Variants in ITGB3 observed in about 807,000 individuals in gnomAD.
The protein encoded by ITGB3 is integrin beta-3.
Under a neutral mutation model 85.8 loss-of-function variants are expected in ITGB3, and 48 were observed. That is an observed-to-expected ratio of 0.56 (90% CI 0.44 to 0.71). ITGB3 has a LOEUF of 0.71. Ranked by LOEUF, ITGB3 falls within the 30% of genes least tolerant of loss-of-function variation. ITGB3 has a pLI of 0.00. For synonymous variants in ITGB3, 363 were observed against 395.6 expected, an observed-to-expected ratio of 0.92 and a Z score of 0.98; for missense variants, 861 against 1,019.1, an observed-to-expected ratio of 0.84 and a Z score of 2.11.
intron 1 of ITGB3, among the ~76,000 whole-genome samples, chr17:47,263,576 G>A (rs555215250): frequency 3.5e-5 from 5 of 142,958 alleles, no homozygotes; most frequent in East Asian, 2.2e-4. Flanking sequence ...TGCAAACTCC[G>A]CCTCCCATGT....
intron 1 of ITGB3, among the ~76,000 whole-genome samples, chr17:47,264,543 C>T (rs1190814191): frequency 1.3e-5 from 2 of 152,048 alleles, no homozygotes; most frequent in Non-Finnish European, 2.9e-5. Flanking sequence ...TTTTGCTCAC[C>T]TCTGCTCAGA....
In ITGB3 at chr17:47,311,863, A is replaced by G. The variant is rs1450375383; in HGVS notation, c.*1659A>G. ...TCAGTGTTACAGCTAAATAATCTTT[A>G]ATTAAGGCAAGTCACTTTCTTCTTC... On this transcript the variant is annotated 3_prime_UTR_variant, in exon 15 of 15. Transcript: ENST00000559488. 2 of 152,252 alleles carry G rather than the reference A, an allele frequency of 1.3e-5. No individual in the cohort carries two copies. The highest frequency in any genetic ancestry group is 1.3e-4 in the Admixed American group (2 of 15,282). 9.4% of individuals were successfully genotyped at this position (152,252 alleles called of 1,614,324 possible). A position where few individuals can be genotyped will look rare whatever the true frequency, so the allele number is the denominator to read the frequency against.
At chr17:47,302,667 C>T in intron 12 of ITGB3, 54 bp from the exon 13 acceptor site, 2 of 1,610,732 alleles carry the variant, frequency 1.2e-6, no homozygotes, top group Non-Finnish European at 1.7e-6. Context: ...TTGGAGTGGT[C>T]CCATCTTCCA....
At chr17:47,302,341 G>A (rs962415483) in intron 12 of ITGB3, among the ~76,000 whole-genome samples, 1 of 152,164 alleles carries the variant, frequency 6.6e-6, no homozygotes, top group Non-Finnish European at 1.5e-5. Context: ...TTAGTTCACC[G>A]ACCTTGTGAG....
intron 12 of ITGB3, among the ~76,000 whole-genome samples, chr17:47,301,049 A>T (rs1042985912): frequency 6.6e-6 from 1 of 152,186 alleles, no homozygotes; most frequent in African/African-American, 2.4e-5. Flanking sequence ...GAAACCTTCA[A>T]CCTTATGGAT....
chr17:47,302,754 A>G lies in ITGB3; in HGVS notation c.2048A>G (p.Tyr683Cys). Residue 683 changes from tyrosine (Y) to cysteine (C), a missense_variant, in exon 13 of 15, where the codon TAT (tyrosine) becomes TGT (cysteine). Physicochemically the swap from Tyr to Cys is radical, Grantham distance 194 (BLOSUM62 -2). Transcript: ENST00000559488. ...GGCAAGGATGCAGTGAATTGTACCT[A>G]TAAGAATGAGGATGACTGTGTCGTC... Reference protein sequence around the residue: ...DTGKDAVNCTYKNEDDCVVRF... With the variant: ...DTGKDAVNCTCKNEDDCVVRF... 6.2e-7 allele frequency: 1 copy of G among 1,614,056 alleles called. No homozygotes were observed. Among genetic ancestry groups the G allele is most frequent in the Non-Finnish European group, 8.5e-7 (1 of 1,179,910 alleles).
intron 10 of ITGB3, among the ~76,000 whole-genome samples, chr17:47,294,481 T>G (rs527465648): frequency 2.6e-5 from 4 of 152,324 alleles, no homozygotes; most frequent in African/African-American, 9.6e-5. Context: ...CAAAGCTGAC[T>G]GGGTCAGAAG....
chr17:47,310,071 T>A lies in ITGB3; in HGVS notation c.2302-68T>A, dbSNP rs2065207298. The A allele has an allele frequency of 2.9e-5, 40 of 1,389,022 alleles. No homozygotes were observed. The South Asian group carries it at 4.7e-4, about 16-fold the overall frequency. The allele number at this position is 1,389,022 out of a possible 1,614,324, so 86.0% of individuals were successfully genotyped here. On this transcript the variant is annotated intron_variant, in intron 14 of 14. Coordinates refer to ENST00000559488, the MANE Select transcript of ITGB3 (RefSeq NM_000212.3). ...CCTTGGGAAAACTTCTGAGATGAAT[T>A]TTAAACATTCAGGGTAGGGAAGGAC... is the stretch of plus-strand genomic sequence containing the variant.
At chr17:47,298,332 T>C (rs930039407) in intron 10 of ITGB3, among the ~76,000 whole-genome samples, 2 of 152,304 alleles carry the variant, frequency 1.3e-5, no homozygotes, top group Admixed American at 6.5e-5. Flanking sequence ...CTTTTCTCTA[T>C]GGCATTCATG....
intron 10 of ITGB3, among the ~76,000 whole-genome samples, chr17:47,294,245 T>C (rs2065137776): frequency 6.6e-6 from 1 of 152,184 alleles, no homozygotes; most frequent in Non-Finnish European, 1.5e-5. Context: ...TATATCTAAT[T>C]CAAAGTACCA....
At chr17:47,302,687 T>C (rs1326508696) in intron 12 of ITGB3, 34 bp from the exon 13 acceptor site, 1 of 1,613,726 alleles carries the variant, frequency 6.2e-7, no homozygotes, top group East Asian at 2.2e-5. Flanking sequence ...AGTAGTTGTC[T>C]CACTTTTTAT....
At chr17:47,275,733 C>T (rs1275916620) in intron 2 of ITGB3, among the ~76,000 whole-genome samples, 2 of 152,256 alleles carry the variant, frequency 1.3e-5, no homozygotes, top group Non-Finnish European at 2.9e-5. Context: ...CAGCTCCGCA[C>T]GTTGCTTTGG....
intron 1 of ITGB3, among the ~76,000 whole-genome samples, chr17:47,257,176 G>A (rs531433578): frequency 6.6e-6 from 1 of 152,320 alleles, no homozygotes; most frequent in African/African-American, 2.4e-5. Context: ...GCCATGTATT[G>A]GAGGCAAAAG....
rs958066798 is a variant in ITGB3 at position 47,286,425 on chromosome 17, G to C, written c.777+3G>C. 36 of 1,613,930 alleles carry C rather than the reference G, an allele frequency of 2.2e-5. No homozygotes were observed. The highest frequency in any genetic ancestry group is 3.0e-5 in the Non-Finnish European group (35 of 1,179,954). Reference sequence around the variant, plus strand: ...TCATGCAGGCTACAGTCTGTGATGTGAGTTTGGAGGACTTGGAGTGCCAGG... The same window carrying C: ...TCATGCAGGCTACAGTCTGTGATGTCAGTTTGGAGGACTTGGAGTGCCAGG... On this transcript the variant is annotated splice_donor_region_variant and intron_variant, in intron 5 of 14. Transcript: ENST00000559488.
At chr17:47,305,015 G>T (rs1248651287) in intron 13 of ITGB3, among the ~76,000 whole-genome samples, 1 of 152,126 alleles carries the variant, frequency 6.6e-6, no homozygotes, top group African/African-American at 2.4e-5. Flanking sequence ...GCCCTCCAGA[G>T]GTCACCTGAT....
At chr17:47,290,334 C>A in intron 8 of ITGB3, 60 bp downstream of exon 8, 2 of 1,403,152 alleles carry the variant, frequency 1.4e-6, no homozygotes, top group Non-Finnish European at 2.0e-6. Flanking sequence ...GCTTACACAG[C>A]AGGGCTCAGA....
rs1567766860 is a variant in ITGB3 at position 47,292,342 on chromosome 17, T to C, written c.1464T>C (p.Cys488=). ...CCTTTGAGTGTGGGGTATGCCGTTG[T>C]GGGCCTGGCTGGCTGGGATCCCAGT... ...NGTFECGVCR[C]GPGWLGSQCE... The change falls in exon 10 of 15, where the codon TGT becomes TGC. Residue 488 remains cysteine (C), a synonymous_variant. Transcript: ENST00000559488. 3.1e-6 allele frequency: 5 copies of C among 1,614,216 alleles called. No individual in the cohort carries two copies. The highest frequency in any genetic ancestry group is 4.5e-5 in the East Asian group (2 of 44,884).
At chr17:47,290,134 G>A (rs773437320) in intron 7 of ITGB3, 51 bp from the exon 8 acceptor site, 1 of 1,427,208 alleles carries the variant, frequency 7.0e-7, no homozygotes, top group Non-Finnish European at 9.9e-7. Context: ...GGCTTTTGGA[G>A]ACCACCAGCT....
intron 1 of ITGB3, among the ~76,000 whole-genome samples, chr17:47,254,968 ATTATTTAT>A (rs145396998): frequency 3.3e-5 from 5 of 151,270 alleles, no homozygotes; most frequent in African/African-American, 7.3e-5. Flanking sequence ...ATTTTATTTT[ATTATTTAT>A]TTATTTATTT....
Sources: gnomAD v4.1 joint callset for allele counts (sites outside exome capture counted in the v4.1 genomes callset) on GRCh38, gnomAD v4.1.1 for gene constraint, MANE v1.5 for transcripts, NCBI Gene and HGNC (gene_info 2026-07-23, HGNC 2026-07-21) for gene names.